The following LDLRAD4 variants were observed in gnomAD, a reference collection of about 807,000 sequenced individuals.
LDLRAD4 encodes the protein low-density lipoprotein receptor class A domain-containing protein 4.
LDLRAD4 carries 5 observed loss-of-function variants against 17.0 expected under a neutral mutation model. The ratio of observed to expected loss-of-function variants is 0.29; its 90% CI spans 0.15 to 0.62. LDLRAD4 has a LOEUF of 0.62. LDLRAD4 is among the 20% of genes least tolerant of loss of function. LDLRAD4 has a pLI of 0.84. For missense variants in LDLRAD4, 340 were observed against 424.7 expected (o/e 0.80, Z 1.75); for synonymous variants, 168 against 171.8 (o/e 0.98, Z 0.17).
At chr18:13,246,369 C>T (rs1185789323) in intron 1 of LDLRAD4, among the ~76,000 whole-genome samples, 1 of 152,194 alleles carries the variant, frequency 6.6e-6, no homozygotes, top group Non-Finnish European at 1.5e-5. Flanking sequence ...TTTCTGCAGT[C>T]CTGAGTTTGG....
At position 13,645,709 on chromosome 18, in the gene LDLRAD4, C is replaced by G. The variant is rs2042988926; in HGVS notation, c.*52C>G. 7 of 1,395,548 alleles carry G rather than the reference C, an allele frequency of 5.0e-6. No homozygotes were observed. Among genetic ancestry groups the G allele is most frequent in the Non-Finnish European group, 5.8e-6 (6 of 1,033,022 alleles). 86.4% of individuals were successfully genotyped at this position (1,395,548 alleles called of 1,614,324 possible). On this transcript the variant is annotated 3_prime_UTR_variant, in exon 6 of 6. Transcript: ENST00000359446. The surrounding 1 kb of genome is among the most constrained non-coding windows in gnomAD (Gnocchi z 5.7). ...AGAAAGAAACCAAGAAGGGAAGCGG[C>G]CGCTGGGCCCCTCCTGCGCACAGTG...
chr18:13,374,738 T>G (rs12456449), intron 1 of LDLRAD4, among the ~76,000 whole-genome samples: 1 of 152,144 alleles, frequency 6.6e-6, no homozygotes, highest in Admixed American at 6.5e-5. Context: ...TGGTCATCCC[T>G]GTTGGCTGAG....
upstream of LDLRAD4, among the ~76,000 whole-genome samples, chr18:13,275,508 T>A (rs1309293096): frequency 6.6e-6 from 1 of 152,210 alleles, no homozygotes; most frequent in Non-Finnish European, 1.5e-5. Context: ...TGACTAGACA[T>A]TGGCAAATCA....
chr18:13,321,010 A>C (rs1346763055), intron 1 of LDLRAD4, among the ~76,000 whole-genome samples: 1 of 152,176 alleles, frequency 6.6e-6, no homozygotes, highest in Non-Finnish European at 1.5e-5. Context: ...AGTGAGCCCT[A>C]GTGAGTTCAG....
intron 3 of LDLRAD4, among the ~76,000 whole-genome samples, chr18:13,571,341 G>A (rs1350071490): frequency 6.6e-6 from 1 of 152,186 alleles, no homozygotes; most frequent in Non-Finnish European, 1.5e-5. Context: ...AGCTTCCAGT[G>A]CCTCCAAGAA....
At chr18:13,245,800 A>G (rs2042926753) in intron 1 of LDLRAD4, among the ~76,000 whole-genome samples, 1 of 152,202 alleles carries the variant, frequency 6.6e-6, no homozygotes, top group Non-Finnish European at 1.5e-5. Context: ...CCTGGTGTGC[A>G]TGCTGGCTGT....
At chr18:13,270,055 T>C (rs1448296693) in intron 1 of LDLRAD4, among the ~76,000 whole-genome samples, 1 of 152,160 alleles carries the variant, frequency 6.6e-6, no homozygotes, top group East Asian at 1.9e-4. Flanking sequence ...TGCTGGTGTC[T>C]CCTGGGGGCT....
intron 5 of LDLRAD4, 100 bp downstream of exon 6, chr18:13,643,512 C>T (rs1282496246): frequency 8.1e-6 from 5 of 614,308 alleles, no homozygotes; most frequent in South Asian, 4.9e-5. Context: ...GGAGGGGCCT[C>T]ACCACGTGGG....
intron 3 of LDLRAD4, among the ~76,000 whole-genome samples, chr18:13,605,696 C>A (rs905163984): frequency 6.6e-5 from 10 of 152,226 alleles, no homozygotes; most frequent in Admixed American, 3.3e-4. Flanking sequence ...ACTGCTCTAC[C>A]TACATGTGCA....
At chr18:13,636,723 C>T (rs1290834104) in intron 4 of LDLRAD4, among the ~76,000 whole-genome samples, 1 of 151,908 alleles carries the variant, frequency 6.6e-6, no homozygotes, top group East Asian at 1.9e-4. Context: ...TGGTCTTGAA[C>T]TCCTGACCTC....
chr18:13,582,388 C>T (rs189284074), intron 3 of LDLRAD4, among the ~76,000 whole-genome samples: 18 of 152,378 alleles, frequency 1.2e-4, no homozygotes, highest in Admixed American at 1.2e-3. Context: ...AATCAAAGAA[C>T]TGCATCTAAA....
chr18:13,583,949 C>T (rs1385185711), intron 3 of LDLRAD4, among the ~76,000 whole-genome samples: 3 of 152,158 alleles, frequency 2.0e-5, no homozygotes, highest in Non-Finnish European at 4.4e-5. Context: ...TGCCTACAGG[C>T]CTGCCGTGCC....
rs78343469 is a variant in LDLRAD4, at chr18:13,340,203, T to G, written c.-382-47138T>G. 5.4e-3 allele frequency among the ~76,000 whole-genome samples: 821 copies of G among 152,364 alleles called. 4 individuals are homozygous for G. Among genetic ancestry groups the G allele is most frequent in the Admixed American group, 0.01 (157 of 15,304 alleles). Reference sequence around the variant, plus strand: ...ACTTGGGTTGTTTTCACCTTTGGGCTACTGTGAATAATGCTGCTATGAACA... The same window carrying G: ...ACTTGGGTTGTTTTCACCTTTGGGCGACTGTGAATAATGCTGCTATGAACA... On this transcript the variant is annotated intron_variant, in intron 1 of 5. Coordinates refer to ENST00000359446, the Ensembl canonical transcript of LDLRAD4.
chr18:13,310,396 A>G (rs2047168716), intron 1 of LDLRAD4, among the ~76,000 whole-genome samples: 2 of 151,916 alleles, frequency 1.3e-5, no homozygotes, highest in South Asian at 2.1e-4. Context: ...CTGCAAGGAC[A>G]TGCAGTTGGA....
chr18:13,551,460 G>A (rs1057185079), intron 3 of LDLRAD4, among the ~76,000 whole-genome samples: 6 of 152,290 alleles, frequency 3.9e-5, no homozygotes, highest in South Asian at 2.1e-4. Flanking sequence ...CCGAGGCCTC[G>A]GCTGTCCCAG....
chr18:13,490,125 G>A (rs1046288128), intron 3 of LDLRAD4: 4 of 152,058 alleles, frequency 2.6e-5, no homozygotes, highest in African/African-American at 7.2e-5. Context: ...CTGCCCTGCT[G>A]CCGTGAAAGC....
chr18:13,643,464 G>GGGGGGGGGGGGGGGGGGGGGGGGCC, intron 5 of LDLRAD4, 52 bp downstream of exon 6: 12 of 288,886 alleles, frequency 4.2e-5, no homozygotes, highest in East Asian at 3.4e-4. Context: ...GGTGGGTGGG[G>GGGGGGGGGGGGGGGGGGGGGGGGCC]ATGAAGGGGG....
intron 2 of LDLRAD4, among the ~76,000 whole-genome samples, chr18:13,426,786 A>G (rs181587459): frequency 8.7e-4 from 133 of 152,302 alleles, no homozygotes; most frequent in Non-Finnish European, 1.5e-3. Context: ...TCCATAAAAG[A>G]GGTATGAAGA....
chr18:13,541,593 C>G (rs1336238843), intron 3 of LDLRAD4, among the ~76,000 whole-genome samples: 1 of 152,130 alleles, frequency 6.6e-6, no homozygotes, highest in Admixed American at 6.5e-5. Context: ...TTCTGGTGTT[C>G]TGCACTCTGC....
Sources: allele counts gnomAD v4.1 joint callset (sites outside exome capture counted in the v4.1 genomes callset), GRCh38; gene constraint gnomAD v4.1.1; non-coding constraint Gnocchi (gnomAD v3.1); transcripts MANE v1.5; gene names NCBI Gene and HGNC (gene_info 2026-07-23, HGNC 2026-07-21).